The following PLEKHA7 variants were observed in gnomAD, a reference collection of about 807,000 sequenced individuals.
PLEKHA7 encodes the protein pleckstrin homology domain-containing family A member 7.
A neutral mutation model predicts 170.0 loss-of-function variants in PLEKHA7; 104 were observed. That is an observed-to-expected ratio of 0.61 (90% CI 0.52 to 0.72). PLEKHA7 has a LOEUF of 0.72. Ranked by LOEUF, PLEKHA7 falls within the 30% of genes least tolerant of loss-of-function variation. PLEKHA7 has a pLI of 0.00. For synonymous variants in PLEKHA7, 648 were observed against 660.8 expected (o/e 0.98, Z 0.30); for missense variants, 1,615 against 1,671.7 (o/e 0.97, Z 0.59).
At chr11:16,934,842 C>T (rs954714873) in intron 3 of PLEKHA7, among the ~76,000 whole-genome samples, 1 of 152,060 alleles carries the variant, frequency 6.6e-6, no homozygotes, top group Non-Finnish European at 1.5e-5. Context: ...AGGAAATATC[C>T]TAATTAATAT....
At chr11:16,934,257 C>T (rs1460260144) in intron 3 of PLEKHA7, among the ~76,000 whole-genome samples, 1 of 152,110 alleles carries the variant, frequency 6.6e-6, no homozygotes, top group Non-Finnish European at 1.5e-5. Flanking sequence ...GAAAGGGTTT[C>T]CAAAATAAGC....
At chr11:16,927,019 G>A (rs1023988127) in intron 3 of PLEKHA7, among the ~76,000 whole-genome samples, 2 of 143,836 alleles carry the variant, frequency 1.4e-5, no homozygotes. Context: ...TCTAAAATAA[G>A]AGGTTGGGTC....
At chr11:16,906,061 C>T (rs1340822127) in intron 3 of PLEKHA7, among the ~76,000 whole-genome samples, 1 of 152,186 alleles carries the variant, frequency 6.6e-6, no homozygotes, top group Non-Finnish European at 1.5e-5. Flanking sequence ...CACATCAGGA[C>T]AGCCCTAGAA....
intron 4 of PLEKHA7, among the ~76,000 whole-genome samples, chr11:16,866,201 G>A (rs1371592518): frequency 6.6e-6 from 1 of 152,126 alleles, no homozygotes; most frequent in African/African-American, 2.4e-5. Context: ...GAAGTTTGAA[G>A]TGGTCCCGTA....
At chr11:16,788,092 G>C (rs913797201) in intron 23 of PLEKHA7, 2 of 152,482 alleles carry the variant, frequency 1.3e-5, no homozygotes, top group African/African-American at 4.8e-5. Context: ...CTACTGTCCA[G>C]GTGTAAAGCA....
chr11:16,823,179 T>G (rs1050596852), intron 10 of PLEKHA7, among the ~76,000 whole-genome samples: 4 of 151,860 alleles, frequency 2.6e-5, no homozygotes, highest in Non-Finnish European at 4.4e-5. Context: ...AACAAAAAAA[T>G]TTTTTTGGTA....
chr11:16,957,938 C>T (rs573585509), intron 3 of PLEKHA7, among the ~76,000 whole-genome samples: 47 of 152,000 alleles, frequency 3.1e-4, no homozygotes, highest in African/African-American at 1.1e-3. Flanking sequence ...CTCCTGACCT[C>T]GTGATCGGCC....
rs543559752 is a variant in PLEKHA7 at position 16,959,234 on chromosome 11, C to G, written c.221+54755G>C. ...TTATCTTTCTGCTCCCCTCTCTCCC[C>G]CTCAGGTAGACCCCAGTGTCTGTTG... On this transcript the variant is annotated intron_variant, in intron 3 of 26. Transcript: ENST00000531066. Among the ~76,000 whole-genome samples the G allele has an allele frequency of 1.2e-3, 183 of 152,300 alleles. 1 individual carries two copies. Among genetic ancestry groups the G allele is most frequent in the Middle Eastern group, 6.8e-3 (2 of 294 alleles).
intron 9 of PLEKHA7, among the ~76,000 whole-genome samples, chr11:16,835,115 CA>C (rs57146190): frequency 1.3e-5 from 2 of 151,902 alleles, no homozygotes; most frequent in African/African-American, 4.8e-5. Context: ...ACAAAAAATA[CA>C]AAAAATGAGC....
intron 3 of PLEKHA7, among the ~76,000 whole-genome samples, chr11:17,002,705 G>A (rs1372038166): frequency 1.3e-5 from 2 of 152,174 alleles, no homozygotes; most frequent in South Asian, 4.1e-4. Flanking sequence ...AGACGTGCCA[G>A]ACAATGCATT....
chr11:16,878,331 C>A (rs1227183584), intron 3 of PLEKHA7, among the ~76,000 whole-genome samples: 1 of 152,192 alleles, frequency 6.6e-6, no homozygotes, highest in Non-Finnish European at 1.5e-5. Context: ...CCTCCTGGAT[C>A]TTTTAAAATA....
intron 9 of PLEKHA7, among the ~76,000 whole-genome samples, chr11:16,829,342 G>A (rs1850921114): frequency 6.6e-6 from 1 of 152,074 alleles, no homozygotes; most frequent in Non-Finnish European, 1.5e-5. Context: ...AGTTGTTAGA[G>A]TTTGGTTTCT....
At chr11:16,921,031 C>T (rs1039542410) in intron 3 of PLEKHA7, among the ~76,000 whole-genome samples, 3 of 152,210 alleles carry the variant, frequency 2.0e-5, no homozygotes, top group Non-Finnish European at 4.4e-5. Flanking sequence ...ATCATAACTC[C>T]GTTAATGAGC....
intron 13 of PLEKHA7, among the ~76,000 whole-genome samples, chr11:16,807,408 C>A (rs952668829): frequency 1.3e-5 from 2 of 152,088 alleles, no homozygotes; most frequent in African/African-American, 2.4e-5. Context: ...GGATGCTCCT[C>A]CCATGGGCCA....
chr11:16,855,151 A>G (rs928754224), intron 5 of PLEKHA7, among the ~76,000 whole-genome samples, 158 bp from the exon 6 acceptor site: 2 of 152,128 alleles, frequency 1.3e-5, no homozygotes, highest in African/African-American at 2.4e-5. Context: ...GGGCGTGCAC[A>G]TGGCCACAGC....
intron 3 of PLEKHA7, among the ~76,000 whole-genome samples, chr11:16,997,043 T>C (rs1040642433): frequency 1.3e-5 from 2 of 152,182 alleles, no homozygotes; most frequent in African/African-American, 4.8e-5. Flanking sequence ...AAGCCCTTTT[T>C]CTGCCTCACA....
chr11:16,875,446 C>CTTTT (rs59524843), intron 3 of PLEKHA7, among the ~76,000 whole-genome samples: 3 of 149,524 alleles, frequency 2.0e-5, no homozygotes, highest in Non-Finnish European at 4.4e-5. Flanking sequence ...AATTTCTTTC[C>CTTTT]TTTTTTTTTC....
Position 16,801,673 on chromosome 11 carries a change from ACT to A in PLEKHA7, c.2300_2301del (p.Glu767ValfsTer3). 1.9e-6 allele frequency: 3 copies of A among 1,613,874 alleles called. No homozygotes were observed. Among genetic ancestry groups the A allele is most frequent in the Non-Finnish European group, 2.5e-6 (3 of 1,179,940 alleles). On this transcript the variant is annotated frameshift_variant, in exon 16 of 27. Coordinates refer to ENST00000531066, the MANE Select transcript of PLEKHA7 (RefSeq NM_001329630.2). LOFTEE classifies it high-confidence loss of function. ...GTCTGCCACCCTCTACGCACAGTGG[ACT>A]CTCTGGAGAGCTCAGCTCGGATATG... ...LVHIRAELSRESTEMENAWNE... is the reference protein window; with the variant it reads ...LVHIRAELSRXSTEMENAWNE...
intron 3 of PLEKHA7, among the ~76,000 whole-genome samples, chr11:16,984,387 C>T (rs1863608157): frequency 6.6e-6 from 1 of 152,114 alleles, no homozygotes. Flanking sequence ...CTGTTCAAAG[C>T]CTTCCATTGT....
Sources: allele counts gnomAD v4.1 joint callset (sites outside exome capture counted in the v4.1 genomes callset), GRCh38; gene constraint gnomAD v4.1.1; transcripts MANE v1.5; gene names NCBI Gene and HGNC (gene_info 2026-07-23, HGNC 2026-07-21).